The following VBP1 variants were observed in gnomAD, a reference collection of about 807,000 sequenced individuals.
VBP1 encodes VHL binding protein 1, also known as prefoldin subunit 3.
VBP1 carries 4 observed loss-of-function variants against 15.5 expected under a neutral mutation model. That is an observed-to-expected ratio of 0.26 (90% CI 0.13 to 0.59). VBP1 has a LOEUF of 0.59. Ranked by LOEUF, VBP1 falls within the 20% of genes least tolerant of loss-of-function variation. The pLI is 0.90. For missense variants in VBP1, 108 were observed against 139.6 expected (o/e 0.77, Z 1.14); for synonymous variants, 61 against 52.1 (o/e 1.17, Z -0.74).
At chrX:155,213,990 G>A (rs1557308753), upstream of VBP1, among the ~76,000 whole-genome samples, 1 of 111,708 alleles carries the variant, frequency 9.0e-6, no homozygotes, top group Non-Finnish European at 1.9e-5. Flanking sequence ...TACAAACTAC[G>A]GCTTGATCTA....
chrX:155,221,001 G>A (rs1172687865), intron 2 of VBP1, among the ~76,000 whole-genome samples: 2 of 109,628 alleles, frequency 1.8e-5, no homozygotes, highest in African/African-American at 6.7e-5. Flanking sequence ...GACTAGCCTG[G>A]GCAACATAGG....
intron 5 of VBP1, among the ~76,000 whole-genome samples, 199 bp downstream of exon 5, chrX:155,236,566 A>G (rs2074774200): frequency 8.9e-6 from 1 of 112,053 alleles, no homozygotes; most frequent in Non-Finnish European, 1.9e-5. Flanking sequence ...CATCCTGCAC[A>G]TGTACCCTAG....
At chrX:155,227,481 C>G (rs1475461425) in intron 3 of VBP1, among the ~76,000 whole-genome samples, 180 bp downstream of exon 3, 1 of 112,211 alleles carries the variant, frequency 8.9e-6, no homozygotes, top group Non-Finnish European at 1.9e-5. Flanking sequence ...TGGCCTTCCC[C>G]CAAAAGTCAA....
chrX:155,229,253 T>TC (rs782248231), intron 4 of VBP1, among the ~76,000 whole-genome samples: 513 of 112,694 alleles, frequency 4.6e-3, no homozygotes, highest in Middle Eastern at 0.014. Context: ...TTATCTTTTA[T>TC]AATTTATCAC....
intron 2 of VBP1, among the ~76,000 whole-genome samples, chrX:155,221,020 C>T (rs1393171505): frequency 1.8e-5 from 2 of 108,914 alleles, no homozygotes; most frequent in Non-Finnish European, 3.8e-5. Context: ...GGGAGACCCC[C>T]GTCTCTACAA....
intron 2 of VBP1, among the ~76,000 whole-genome samples, chrX:155,225,370 A>G (rs2074714639): frequency 9.1e-6 from 1 of 109,386 alleles, no homozygotes; most frequent in African/African-American, 3.3e-5. Context: ...ATTTTTTTGT[A>G]TTTTTTTTTA....
At chrX:155,211,553 T>G (rs938332541), upstream of VBP1, among the ~76,000 whole-genome samples, 13 of 112,145 alleles carry the variant, frequency 1.2e-4, no homozygotes, top group Non-Finnish European at 2.4e-4. Flanking sequence ...ACATCAGACA[T>G]TTTAGAGTCA....
intron 3 of VBP1, 21 bp from the exon 4 acceptor site, chrX:155,228,363 A>ATTTTTTTTT: frequency 1.1e-6 from 1 of 943,335 alleles, no homozygotes; most frequent in Admixed American, 2.7e-5. Context: ...TGGTACTGTC[A>ATTTTTTTTT]TTTTTTTTTT....
intron 1 of VBP1, among the ~76,000 whole-genome samples, chrX:155,216,986 G>A (rs1158128489): frequency 8.9e-6 from 1 of 112,445 alleles, no homozygotes; most frequent in Non-Finnish European, 1.9e-5. Flanking sequence ...CCAGTGCTAA[G>A]ATGTGAAAAC....
At chrX:155,217,061 A>C (rs901278186) in intron 1 of VBP1, among the ~76,000 whole-genome samples, 1 of 112,475 alleles carries the variant, frequency 8.9e-6, no homozygotes, top group Admixed American at 9.3e-5. Context: ...CGGGAAATGG[A>C]AGAAGAGACC....
At position 155,220,284 on chromosome X, in the gene VBP1, C is replaced by G. The variant is rs782010986; in HGVS notation, c.195C>G (p.Leu65=). The G allele has an allele frequency of 4.3e-6, 5 of 1,169,235 alleles. No individual in the cohort carries two copies. The highest frequency in any genetic ancestry group is 5.7e-6 in the Non-Finnish European group (5 of 877,308). Residue 65 remains leucine, a synonymous_variant, in exon 2 of 6, where the codon CTC becomes CTG. Coordinates refer to ENST00000286428, the MANE Select transcript of VBP1 (RefSeq NM_003372.7). ...ACCAGAAGTATAAGTTTATGGAACT[C>G]AACCTTGCTCAAAAGAAAAGAAGGT... ...EQYQKYKFME[L]NLAQKKRRLK...
At chrX:155,235,988 A>C (rs2074770824) in intron 4 of VBP1, among the ~76,000 whole-genome samples, 1 of 112,268 alleles carries the variant, frequency 8.9e-6, no homozygotes, top group Admixed American at 9.4e-5. Context: ...ACTTTCTGTA[A>C]AAGGTCAAAT....
At chrX:155,218,461 T>C (rs1377086397) in intron 1 of VBP1, among the ~76,000 whole-genome samples, 1 of 111,973 alleles carries the variant, frequency 8.9e-6, no homozygotes, top group Non-Finnish European at 1.9e-5. Flanking sequence ...TAGGTATTAA[T>C]ATTCATGATG....
chrX:155,238,536 A>G (rs2074784584), intron 5 of VBP1, among the ~76,000 whole-genome samples: 1 of 112,327 alleles, frequency 8.9e-6, no homozygotes, highest in Non-Finnish European at 1.9e-5. Flanking sequence ...GACTAATACC[A>G]TAGTAAACAA....
At chrX:155,200,647 A>G (rs1327912812) in intron 1 of VBP1, among the ~76,000 whole-genome samples, 1 of 106,442 alleles carries the variant, frequency 9.4e-6, no homozygotes, top group Non-Finnish European at 1.9e-5. Context: ...AATGCCCACA[A>G]GAGAAAGCAG....
At chrX:155,202,132 C>T (rs1355664086) in intron 1 of VBP1, among the ~76,000 whole-genome samples, 37 of 111,889 alleles carry the variant, frequency 3.3e-4, no homozygotes, top group Non-Finnish European at 1.9e-4. Context: ...AATGGAAGAA[C>T]ATTCCATGCT....
chrX:155,230,687 T>TC (rs1186939059), intron 4 of VBP1, among the ~76,000 whole-genome samples: 2 of 103,899 alleles, frequency 1.9e-5, no homozygotes, highest in Non-Finnish European at 4.0e-5. Flanking sequence ...TACTTCTCTC[T>TC]TTTTTTTTTT....
At chrX:155,231,279 A>G (rs1257297959) in intron 4 of VBP1, among the ~76,000 whole-genome samples, 2 of 111,582 alleles carry the variant, frequency 1.8e-5, no homozygotes, top group Admixed American at 9.4e-5. Context: ...GTGGCCCCCT[A>G]ACTGTTCCTG....
chrX:155,208,570 G>C (rs2074633711), intron 1 of VBP1, among the ~76,000 whole-genome samples: 1 of 111,848 alleles, frequency 8.9e-6, no homozygotes, highest in Admixed American at 9.5e-5. Context: ...TTGGAGTTCT[G>C]TCTTGAAAAG....
Sources: allele counts gnomAD v4.1 joint callset (sites outside exome capture counted in the v4.1 genomes callset), GRCh38; gene constraint gnomAD v4.1.1; transcripts MANE v1.5; gene names NCBI Gene and HGNC (gene_info 2026-07-23, HGNC 2026-07-21).